RIPK3: variants seen among roughly 807,000 people sequenced by gnomAD.
The protein encoded by RIPK3 is receptor interacting serine/threonine kinase 3.
RIPK3 carries 51 observed loss-of-function variants against 51.6 expected under a neutral mutation model. The observed-to-expected ratio is 0.99, with a 90% confidence interval of 0.79 to 1.25. The LOEUF (loss-of-function observed/expected upper bound fraction) is 1.25. RIPK3 is among the 50% of genes most tolerant of loss of function. RIPK3 has a pLI of 0.00. For synonymous variants in RIPK3, 246 were observed against 257.7 expected (o/e 0.95, Z 0.44); for missense variants, 654 against 650.4 (o/e 1.01, Z -0.06).
At position 24,337,774 on chromosome 14, in the gene RIPK3, G is replaced by T. The variant is rs1171101860; in HGVS notation, c.833-12C>A. 5 of 1,613,892 alleles carry T rather than the reference G, an allele frequency of 3.1e-6. No homozygotes were observed. The highest frequency in any genetic ancestry group is 4.2e-6 in the Non-Finnish European group (5 of 1,179,896). On this transcript the variant is annotated splice_polypyrimidine_tract_variant and intron_variant, in intron 6 of 9. Coordinates refer to ENST00000216274, the MANE Select transcript of RIPK3 (RefSeq NM_006871.4). The stretch of plus-strand genomic sequence containing the variant: ...TTTTGGTAGGCATTCTAGAGGGACA[G>T]CAGAGTGGAGTGCAGGTGAGCAAAT...
At chr14:24,338,087 G>C in intron 5 of RIPK3, 47 bp from the exon 6 acceptor site, 1 of 1,613,754 alleles carries the variant, frequency 6.2e-7, no homozygotes, top group Admixed American at 1.7e-5. Flanking sequence ...CAGGGTAAAA[G>C]GGAATTATCT....
chr14:24,338,664 G>T lies in RIPK3; in HGVS notation c.472-97C>A, dbSNP rs1378735557. 3 of 1,486,212 alleles carry T rather than the reference G, an allele frequency of 2.0e-6. No homozygotes were observed. In the Admixed American group the frequency reaches 6.7e-5, roughly 33 times the overall value. 92.1% of individuals were successfully genotyped at this position (1,486,212 alleles called of 1,614,324 possible). A position where few individuals can be genotyped will look rare whatever the true frequency, so the allele number is the denominator to read the frequency against. On this transcript the variant is annotated intron_variant, in intron 3 of 9. Coordinates refer to ENST00000216274, the MANE Select transcript of RIPK3 (RefSeq NM_006871.4). ...CCCCAGAAGGTGCAGGTTCAGCTTT[G>T]TAAAGGGAGTGTGGAGGTCAAGGGA...
chr14:24,337,998 C>G lies in RIPK3; in HGVS notation c.707G>C (p.Arg236Thr). ...CTCAGCCAATGAAGGCCGGTTCTGC[C>G]TGTTGCACACTGCTTCGTACACGAG... ...PSLVYEAVCN[R>T]QNRPSLAELP... The change falls in exon 6 of 10, where the codon AGG (arginine) becomes ACG (threonine). Residue 236 changes from arginine (R) to threonine (T), a missense_variant. Transcript: ENST00000216274. 1.2e-6 allele frequency: 2 copies of G among 1,614,224 alleles called. No homozygotes were observed. The highest frequency in any genetic ancestry group is 1.3e-5 in the African/African-American group (1 of 75,070).
At position 24,338,033 on chromosome 14, in the gene RIPK3, G is replaced by T; in HGVS notation, c.672C>A (p.Thr224=). The part of the protein sequence containing the change: ...VLAGREVELP[T]EPSLVYEAVC... Reference sequence around the variant, plus strand: ...CTGCTTCGTACACGAGTGATGGTTCGGTTGGCACTGGAGTAGGGGAGGAGG... The same window carrying T: ...CTGCTTCGTACACGAGTGATGGTTCTGTTGGCACTGGAGTAGGGGAGGAGG... Residue 224 remains threonine (T), a synonymous_variant, in exon 6 of 10, where the codon ACC becomes ACA. Coordinates refer to ENST00000216274, the MANE Select transcript of RIPK3 (RefSeq NM_006871.4). 6.2e-7 allele frequency: 1 copy of T among 1,614,154 alleles called. No homozygotes were observed. The highest frequency in any genetic ancestry group is 8.5e-7 in the Non-Finnish European group (1 of 1,180,040).
chr14:24,337,119 A>T lies in RIPK3; in HGVS notation c.1242T>A (p.Thr414=). The change falls in exon 8 of 10, where the codon ACT becomes ACA. Residue 414 remains threonine, a synonymous_variant. Coordinates refer to ENST00000216274, the MANE Select transcript of RIPK3 (RefSeq NM_006871.4). The part of the protein sequence containing the change: ...FRNQMPSPTS[T]GTPSPGPRGN... ...CTCGGGGTCCAGGACTTGGTGTTCC[A>T]GTTGAGGTAGGGCTGGGCATCTGGT... The T allele has an allele frequency of 6.2e-7, 1 of 1,610,934 alleles. No homozygotes were observed. Among genetic ancestry groups the T allele is most frequent in the Non-Finnish European group, 8.5e-7 (1 of 1,179,980 alleles).
At chr14:24,338,154 G>T (rs1468923363) in intron 5 of RIPK3, 95 bp downstream of exon 5, 5 of 1,570,192 alleles carry the variant, frequency 3.2e-6, no homozygotes, top group African/African-American at 2.7e-5. Flanking sequence ...AGGGAGGAGG[G>T]CAGTCTAAGT....
chr14:24,338,234 C>T lies in RIPK3; in HGVS notation c.664+15G>A. On this transcript the variant is annotated intron_variant, in intron 5 of 9. Transcript: ENST00000216274. ...ACCTGGGGTTAAGGATCCCAGAATC[C>T]TCCTAGAGTCTTACACTCAACTTCT... 1 of 1,529,330 alleles carries T rather than the reference C, an allele frequency of 6.5e-7. No individual in the cohort carries two copies. Among genetic ancestry groups the T allele is most frequent in the Non-Finnish European group, 8.8e-7 (1 of 1,139,044 alleles). 94.7% of individuals were successfully genotyped at this position (1,529,330 alleles called of 1,614,324 possible).
chr14:24,339,852 C>T lies in RIPK3; in HGVS notation c.-26G>A. The T allele has an allele frequency of 6.5e-7, 1 of 1,547,876 alleles. No individual in the cohort carries two copies. Among genetic ancestry groups the T allele is most frequent in the East Asian group, 2.2e-5 (1 of 44,468 alleles). On this transcript the variant is annotated 5_prime_UTR_variant, in exon 1 of 10. Transcript: ENST00000216274. The surrounding 1 kb of genome is among the most constrained non-coding windows in gnomAD (Gnocchi z 4.0). Reference sequence around the variant, plus strand: ...CAGGCTGGAAGGTGCCAGGGGGCCTCTGGAAATTGCGAGCCGTAGGAGATG... The same window carrying T: ...CAGGCTGGAAGGTGCCAGGGGGCCTTTGGAAATTGCGAGCCGTAGGAGATG...
Position 24,337,440 on chromosome 14 carries a change from C to T in RIPK3, c.921G>A (p.Gln307=). 3 of 1,613,400 alleles carry T rather than the reference C, an allele frequency of 1.9e-6. No homozygotes were observed. The highest frequency in any genetic ancestry group is 2.5e-6 in the Non-Finnish European group (3 of 1,179,484). ...AAAATCTCCTATTGCTGCTCCTGAGCTGAGACAGGAAATCCTTTACCTGCA... is the reference window on the plus strand; with the variant it reads ...AAAATCTCCTATTGCTGCTCCTGAGTTGAGACAGGAAATCCTTTACCTGCA... ...AVSTVKDFLS[Q]LRSSNRRFSI... The change falls in exon 8 of 10, where the codon CAG becomes CAA. Residue 307 remains glutamine (Q), a synonymous_variant. Coordinates refer to ENST00000216274, the MANE Select transcript of RIPK3 (RefSeq NM_006871.4).
Position 24,339,868 on chromosome 14 carries a change from G to A in RIPK3, c.-42C>T. ...AGGGGGCCTCTGGAAATTGCGAGCC[G>A]TAGGAGATGGAGTGACTTCTGGGGC... On this transcript the variant is annotated 5_prime_UTR_variant, in exon 1 of 10. In the 5' UTR this introduces an upstream ATG that the reference lacks. Coordinates refer to ENST00000216274, the MANE Select transcript of RIPK3 (RefSeq NM_006871.4). The surrounding 1 kb of genome is among the most constrained non-coding windows in gnomAD (Gnocchi z 4.0). 2 of 1,542,080 alleles carry A rather than the reference G, an allele frequency of 1.3e-6. No individual in the cohort carries two copies. The highest frequency in any genetic ancestry group is 2.6e-5 in the South Asian group (2 of 77,954).
chr14:24,338,117 C>G (rs761071452), intron 5 of RIPK3, 77 bp from the exon 6 acceptor site: 3 of 1,607,302 alleles, frequency 1.9e-6, no homozygotes, highest in African/African-American at 2.7e-5. Context: ...TGGAAAGAGG[C>G]AGGGAGTGTA....
chr14:24,336,788 T>G, intron 9 of RIPK3, 97 bp downstream of exon 9: 1 of 1,109,296 alleles, frequency 9.0e-7, no homozygotes, highest in Non-Finnish European at 1.4e-6. Context: ...TCTTCTCCCC[T>G]CCCCTCCACA....
chr14:24,337,562 G>C lies in RIPK3; in HGVS notation c.901-102C>G, dbSNP rs369109083. On this transcript the variant is annotated intron_variant, in intron 7 of 9. Transcript: ENST00000216274. ...ATAATCTGTTGTCTGGGAACTCAGGGGTGGGCTGGGGACGGTGGGTACAAA... is the reference window on the plus strand; with the variant it reads ...ATAATCTGTTGTCTGGGAACTCAGGCGTGGGCTGGGGACGGTGGGTACAAA... The C allele has an allele frequency of 4.7e-5, 75 of 1,599,108 alleles. No individual in the cohort carries two copies. In the African/African-American group the frequency reaches 9.5e-4, roughly 20 times the overall value.
Position 24,336,905 on chromosome 14 carries a change from G to C in RIPK3, c.1316C>G (p.Pro439Arg), listed in dbSNP as rs761892313. ...GGTACCTGTTACTGGATTTGGCTCCGGGGTCCTGCAGGACCAGTTCATGCC... is the reference window on the plus strand; with the variant it reads ...GGTACCTGTTACTGGATTTGGCTCCCGGGTCCTGCAGGACCAGTTCATGCC... Reference protein sequence around the residue: ...RQGMNWSCRTPEPNPVTGRPL... With the variant: ...RQGMNWSCRTREPNPVTGRPL... Residue 439 changes from proline to arginine, a missense_variant, in exon 9 of 10, where the codon CCG becomes CGG. Transcript: ENST00000216274. The C allele has an allele frequency of 1.9e-6, 3 of 1,613,930 alleles. No homozygotes were observed. The highest frequency in any genetic ancestry group is 1.7e-6 in the Non-Finnish European group (2 of 1,179,836).
chr14:24,337,772 C>T lies in RIPK3; in HGVS notation c.833-10G>A. The T allele has an allele frequency of 6.2e-7, 1 of 1,614,024 alleles. No homozygotes were observed. Among genetic ancestry groups the T allele is most frequent in the African/African-American group, 1.3e-5 (1 of 75,042 alleles). On this transcript the variant is annotated splice_polypyrimidine_tract_variant and intron_variant, in intron 6 of 9. Coordinates refer to ENST00000216274, the MANE Select transcript of RIPK3 (RefSeq NM_006871.4). Reference sequence around the variant, plus strand: ...GTTTTTGGTAGGCATTCTAGAGGGACAGCAGAGTGGAGTGCAGGTGAGCAA... The same window carrying T: ...GTTTTTGGTAGGCATTCTAGAGGGATAGCAGAGTGGAGTGCAGGTGAGCAA...
Position 24,337,229 on chromosome 14 carries a change from G to C in RIPK3, c.1132C>G (p.Gln378Glu). 1.2e-6 allele frequency: 2 copies of C among 1,614,004 alleles called. No homozygotes were observed. Among genetic ancestry groups the C allele is most frequent in the South Asian group, 1.1e-5 (1 of 91,086 alleles). Residue 378 changes from glutamine to glutamate, a missense_variant, in exon 8 of 10, where the codon CAG (glutamine) becomes GAG (glutamate). Physicochemically the swap from Gln to Glu is conservative, Grantham distance 29. Transcript: ENST00000216274. ...LTKRSRAQEE[Q>E]VPQAWTAGTS... The stretch of plus-strand genomic sequence containing the variant: ...CCTGCTGTCCAGGCTTGTGGAACCT[G>C]CTCCTCTTGTGCCCTGCTCCTCTTG...
chr14:24,336,369 A>C lies in RIPK3; in HGVS notation c.1363T>G (p.Cys455Gly), dbSNP rs1410827944. The C allele has an allele frequency of 1.2e-6, 2 of 1,613,746 alleles. No individual in the cohort carries two copies. ...TGRPLVNIYNCSGVQVGDNNY... is the reference protein window; with the variant it reads ...TGRPLVNIYNGSGVQVGDNNY... Reference sequence around the variant, plus strand: ...TTGTCTCCAACTTGCACCCCAGAGCAGTTGTATATGTTAACGAGCGGTCGC... The same window carrying C: ...TTGTCTCCAACTTGCACCCCAGAGCCGTTGTATATGTTAACGAGCGGTCGC... The change falls in exon 10 of 10, where the codon TGC (cysteine) becomes GGC (glycine). Residue 455 changes from cysteine to glycine, a missense_variant. Coordinates refer to ENST00000216274, the MANE Select transcript of RIPK3 (RefSeq NM_006871.4).
At chr14:24,338,127 A>T in intron 5 of RIPK3, 87 bp from the exon 6 acceptor site, 1 of 1,600,018 alleles carries the variant, frequency 6.2e-7, no homozygotes, top group Non-Finnish European at 8.6e-7. Flanking sequence ...CAGGGAGTGT[A>T]ATGTGGGGGC....
intron 3 of RIPK3, 145 bp from the exon 4 acceptor site, chr14:24,338,712 T>A: frequency 8.5e-7 from 1 of 1,171,186 alleles, no homozygotes; most frequent in Non-Finnish European, 1.2e-6. Context: ...GGATGGTAGA[T>A]CTAGGTGCCT....
Sources: allele counts gnomAD v4.1 joint callset, GRCh38; gene constraint gnomAD v4.1.1; non-coding constraint Gnocchi (gnomAD v3.1); transcripts MANE v1.5; gene names NCBI Gene and HGNC (gene_info 2026-07-23, HGNC 2026-07-21).